The following PDS5B variants were observed in gnomAD, a reference collection of about 807,000 sequenced individuals.
PDS5B encodes the protein sister chromatid cohesion protein PDS5 homolog B.
In PDS5B, 51 loss-of-function variants were observed where a neutral mutation model predicts 184.1. That is an observed-to-expected ratio of 0.28 (90% CI 0.22 to 0.35). The LOEUF is 0.35. Ranked by LOEUF, PDS5B falls within the 10% of genes least tolerant of loss-of-function variation. The pLI is 1.00. For missense variants in PDS5B, 1,180 were observed against 1,723.3 expected, an observed-to-expected ratio of 0.68 and a Z score of 5.58; for synonymous variants, 566 against 569.2, an observed-to-expected ratio of 0.99 and a Z score of 0.08.
At chr13:32,772,570 A>T (rs1954825864) in intron 33 of PDS5B, among the ~76,000 whole-genome samples, 1 of 152,130 alleles carries the variant, frequency 6.6e-6, no homozygotes, top group African/African-American at 2.4e-5. Context: ...GGTTTGTTGG[A>T]TTGTAGTTGT....
chr13:32,755,931 A>C lies in PDS5B; in HGVS notation c.3031A>C (p.Ile1011Leu), dbSNP rs757672463. ...HDPDYVKVQD[I>L]EQLKDVKECL... is the part of the protein sequence containing the mutation. The stretch of plus-strand genomic sequence containing the variant: ...CCCAGATTATGTCAAAGTACAGGAT[A>C]TTGAACAACTTAAAGATGTTAAAGA... Residue 1011 changes from isoleucine (I) to leucine (L), a missense_variant, in exon 26 of 35, where the codon ATT becomes CTT. Coordinates refer to ENST00000315596, the MANE Select transcript of PDS5B (RefSeq NM_015032.4). The C allele has an allele frequency of 1.3e-6, 2 of 1,564,850 alleles. No individual in the cohort carries two copies. Among genetic ancestry groups the C allele is most frequent in the East Asian group, 4.5e-5 (2 of 44,334 alleles).
chr13:32,675,109 AT>A (rs1168002614), intron 8 of PDS5B, among the ~76,000 whole-genome samples: 1 of 152,136 alleles, frequency 6.6e-6, no homozygotes, highest in East Asian at 1.9e-4. Context: ...TTTAAAAACA[AT>A]TTGTGTAGTG....
At chr13:32,605,479 G>C (rs890948271) in intron 1 of PDS5B, among the ~76,000 whole-genome samples, 1 of 152,190 alleles carries the variant, frequency 6.6e-6, no homozygotes, top group Non-Finnish European at 1.5e-5. Flanking sequence ...GCTGAGGAGT[G>C]CTTTACTTCC....
At chr13:32,697,556 A>C (rs1951741286) in intron 15 of PDS5B, among the ~76,000 whole-genome samples, 1 of 152,232 alleles carries the variant, frequency 6.6e-6, no homozygotes, top group East Asian at 1.9e-4. Flanking sequence ...AGATAACAGT[A>C]AACCTAACTC....
chr13:32,733,586 G>A (rs1018091509), intron 20 of PDS5B, among the ~76,000 whole-genome samples: 1 of 152,130 alleles, frequency 6.6e-6, no homozygotes, highest in Non-Finnish European at 1.5e-5. Flanking sequence ...GCCCTAATTT[G>A]TTGGGAAAGA....
chr13:32,742,906 T>G (rs1953610084), intron 23 of PDS5B, among the ~76,000 whole-genome samples, 179 bp downstream of exon 23: 1 of 151,682 alleles, frequency 6.6e-6, no homozygotes, highest in African/African-American at 2.4e-5. Flanking sequence ...GGCGGTCACA[T>G]GTCTGGTGCA....
intron 3 of PDS5B, among the ~76,000 whole-genome samples, chr13:32,653,654 A>G (rs186297239): frequency 3.9e-5 from 6 of 152,324 alleles, no homozygotes; most frequent in African/African-American, 1.2e-4. Context: ...GTGGTATTGA[A>G]TTGTAAGATT....
chr13:32,589,567 A>G (rs1319167103), intron 1 of PDS5B, among the ~76,000 whole-genome samples: 1 of 152,156 alleles, frequency 6.6e-6, no homozygotes, highest in East Asian at 1.9e-4. Context: ...TCTAAGAGTA[A>G]TTTGGGAAAG....
chr13:32,656,272 TC>T (rs1416050631), intron 3 of PDS5B, among the ~76,000 whole-genome samples: 2 of 124,316 alleles, frequency 1.6e-5, no homozygotes, highest in African/African-American at 3.0e-5. Flanking sequence ...GTCTCCAGCT[TC>T]TTTTTTTTTT....
At chr13:32,638,581 G>A (rs1178303332) in intron 1 of PDS5B, among the ~76,000 whole-genome samples, 3 of 152,160 alleles carry the variant, frequency 2.0e-5, no homozygotes, top group Admixed American at 2.0e-4. Flanking sequence ...GTCTAAACAG[G>A]TATGTTGTAT....
At chr13:32,765,666 C>T (rs375762716) in intron 31 of PDS5B, among the ~76,000 whole-genome samples, 8 of 152,298 alleles carry the variant, frequency 5.3e-5, no homozygotes, top group African/African-American at 1.2e-4. Flanking sequence ...TGCAGTGGCA[C>T]GATCTGGGCT....
intron 3 of PDS5B, among the ~76,000 whole-genome samples, chr13:32,654,838 C>A (rs1006307480): frequency 6.6e-6 from 1 of 152,104 alleles, no homozygotes; most frequent in Admixed American, 6.6e-5. Flanking sequence ...CCAGTGGCAT[C>A]CATGTTGCTG....
chr13:32,637,912 C>CT (rs1246654701), intron 1 of PDS5B, among the ~76,000 whole-genome samples: 1 of 152,148 alleles, frequency 6.6e-6, no homozygotes, highest in African/African-American at 2.4e-5. Flanking sequence ...GACTGACTTA[C>CT]TGAAAACAAC....
intron 6 of PDS5B, among the ~76,000 whole-genome samples, chr13:32,665,279 A>T (rs1163651042): frequency 6.6e-6 from 1 of 152,196 alleles, no homozygotes; most frequent in Non-Finnish European, 1.5e-5. Flanking sequence ...GTAAGTTTTT[A>T]AAATTTTGTT....
intron 3 of PDS5B, among the ~76,000 whole-genome samples, chr13:32,655,265 G>A (rs187639949): frequency 4.1e-5 from 6 of 145,442 alleles, no homozygotes; most frequent in Non-Finnish European, 7.5e-5. Context: ...GTTTTGATTT[G>A]CATTTCTCTA....
chr13:32,698,907 C>A (rs1951785985), intron 15 of PDS5B, among the ~76,000 whole-genome samples: 1 of 152,146 alleles, frequency 6.6e-6, no homozygotes, highest in African/African-American at 2.4e-5. Flanking sequence ...CACCTGCCAC[C>A]ACGCCAGGCT....
rs528727237 is a variant in PDS5B, at chr13:32,612,794, A to C, written c.-20+26201A>C. Among the ~76,000 whole-genome samples the C allele has an allele frequency of 3.9e-5, 6 of 152,338 alleles. No homozygotes were observed. The East Asian group carries it at 1.2e-3, about 29-fold the overall frequency. On this transcript the variant is annotated intron_variant, in intron 1 of 34. Transcript: ENST00000315596. The stretch of plus-strand genomic sequence containing the variant: ...TCCACCATATTATGTGGCAGTAAGA[A>C]GACCCTCATTAGACGCTGGCCCCTC...
rs913388029 is a variant in PDS5B, at chr13:32,761,438, C to T, written c.3518+718C>T. Among the ~76,000 whole-genome samples, 31 of 151,762 alleles carry T rather than the reference C, an allele frequency of 2.0e-4. 1 individual carries two copies. Among genetic ancestry groups the T allele is most frequent in the Non-Finnish European group, 2.9e-5 (2 of 67,958 alleles). On this transcript the variant is annotated intron_variant, in intron 30 of 34. Transcript: ENST00000315596. ...TGCATCCAGATAGTGAGTATAGTAC[C>T]CAATAGGTCGTTTTACAGCCCACAT...
intron 3 of PDS5B, among the ~76,000 whole-genome samples, chr13:32,654,263 G>A (rs1042618570): frequency 2.6e-5 from 4 of 152,114 alleles, no homozygotes; most frequent in African/African-American, 9.7e-5. Context: ...CTACAGTAGT[G>A]TTGTATACAG....
Sources: allele counts gnomAD v4.1 joint callset (sites outside exome capture counted in the v4.1 genomes callset), GRCh38; gene constraint gnomAD v4.1.1; transcripts MANE v1.5; gene names NCBI Gene and HGNC (gene_info 2026-07-23, HGNC 2026-07-21).